ASB18: variants seen among roughly 807,000 people sequenced by gnomAD.
The protein encoded by ASB18 is ankyrin repeat and SOCS box containing 18.
ASB18 carries 33 observed loss-of-function variants against 33.4 expected under a neutral mutation model. The observed-to-expected ratio is 0.99, with a 90% CI of 0.75 to 1.32. The LOEUF (loss-of-function observed/expected upper bound fraction) is 1.32, where lower values mean the gene tolerates loss of function less well. Among genes scored for constraint, ASB18 ranks in the 40% most tolerant of loss-of-function variants. The pLI is 0.00. For missense variants in ASB18, 694 were observed against 655.5 expected, an observed-to-expected ratio of 1.06 and a Z score of -0.64; for synonymous variants, 295 against 307.6, an observed-to-expected ratio of 0.96 and a Z score of 0.43.
At position 236,245,617 on chromosome 2, in the gene ASB18, T is replaced by A. The variant is rs557304590; in HGVS notation, c.206-4215A>T. On this transcript the variant is annotated intron_variant, in intron 1 of 5. Coordinates refer to ENST00000409749, the MANE Select transcript of ASB18 (RefSeq NM_212556.4). The surrounding 1 kb of genome is among the most constrained non-coding windows in gnomAD (Gnocchi z 4.7). ...ATCCTCCAACACAGCTTAGCCTCCC[T>A]TGACCTCCAAGACCAGTCCTGATGT... Among the ~76,000 whole-genome samples the A allele has an allele frequency of 3.9e-5, 6 of 152,184 alleles. No homozygotes were observed. The highest frequency in any genetic ancestry group is 1.4e-4 in the African/African-American group (6 of 41,438).
intron 3 of ASB18, among the ~76,000 whole-genome samples, chr2:236,224,146 T>C (rs13384193): frequency 0.38 from 56,602 of 148,930 alleles, 11,333 homozygotes; most frequent in African/African-American, 0.51. Context: ...ATGAAAGTTC[T>C]AGTTGCTCCC....
chr2:236,214,608 C>T lies in ASB18; in HGVS notation c.855G>A (p.Glu285=), dbSNP rs1576398478. 3 of 1,224,186 alleles carry T rather than the reference C, an allele frequency of 2.5e-6. No homozygotes were observed. The East Asian group carries it at 1.1e-4, about 44-fold the overall frequency. The allele number at this position is 1,224,186 out of a possible 1,614,324, so 75.8% of individuals were successfully genotyped here. A position where few individuals can be genotyped will look rare whatever the true frequency, so the allele number is the denominator to read the frequency against. The change falls in exon 4 of 6, where the codon GAG becomes GAA. Residue 285 remains glutamate (E), a synonymous_variant. Transcript: ENST00000409749. The surrounding 1 kb of genome is among the most constrained non-coding windows in gnomAD (Gnocchi z 6.5). ...GCTCGTCCTCGTCGCGCGCGTCCGC[C>T]TCCGCCCCGCGCCGCAGCAGCAGCG... ...LCALLLRRGA[E]ADARDEDERS...
chr2:236,226,669 T>A lies in ASB18; in HGVS notation c.596+11020A>T, dbSNP rs1425298946. ...GTGTCCAAATGTAAGCTTGTTGGCG[T>A]CTCTTCAGCAGTGTTGCAATGATTC... On this transcript the variant is annotated intron_variant, in intron 3 of 5. Coordinates refer to ENST00000409749, the MANE Select transcript of ASB18 (RefSeq NM_212556.4). The surrounding 1 kb of genome is among the most constrained non-coding windows in gnomAD (Gnocchi z 4.8). 6.6e-6 allele frequency among the ~76,000 whole-genome samples: 1 copy of A among 152,196 alleles called. No homozygotes were observed. The highest frequency in any genetic ancestry group is 2.4e-5 in the African/African-American group (1 of 41,444).
In ASB18 at chr2:236,209,639, A is replaced by C. The variant is rs719544; in HGVS notation, c.1101+4723T>G. On this transcript the variant is annotated intron_variant, in intron 4 of 5. Transcript: ENST00000409749. The surrounding 1 kb of genome is among the most constrained non-coding windows in gnomAD (Gnocchi z 4.4). ...AATCCCTTACCTGGACTGCCACCAC[A>C]GCCTGTGGTTTCCATCAGCCCCCTA... 0.17 allele frequency among the ~76,000 whole-genome samples: 26,223 copies of C among 152,168 alleles called. 2,274 individuals carry two copies. Among genetic ancestry groups the C allele is most frequent in the South Asian group, 0.25 (1,196 of 4,806 alleles).
chr2:236,255,158 C>A lies in ASB18; in HGVS notation c.205+8983G>T, dbSNP rs777333535. On this transcript the variant is annotated intron_variant, in intron 1 of 5. Transcript: ENST00000409749. The surrounding 1 kb of genome is among the most constrained non-coding windows in gnomAD (Gnocchi z 4.4). The stretch of plus-strand genomic sequence containing the variant: ...TTCTTTCTTTTTCTTTTTTTTCTTT[C>A]TTTGAGACGGAGTCTCATTCTGTCG... Among the ~76,000 whole-genome samples the A allele has an allele frequency of 2.0e-5, 3 of 151,744 alleles. No homozygotes were observed. The highest frequency in any genetic ancestry group is 4.4e-5 in the Non-Finnish European group (3 of 67,928).
chr2:236,258,025 C>G (rs1290116588), intron 1 of ASB18, among the ~76,000 whole-genome samples: 1 of 152,228 alleles, frequency 6.6e-6, no homozygotes, highest in Non-Finnish European at 1.5e-5. Flanking sequence ...TGAACATACC[C>G]TGATTTGGGG....
Position 236,253,907 on chromosome 2 carries a change from T to A in ASB18, c.205+10234A>T, listed in dbSNP as rs372340666. ...CCCCTGTGACTGTTCAGCCTCTGGG[T>A]GGGTGCAGGGATGCCGGGAGAGAAT... On this transcript the variant is annotated intron_variant, in intron 1 of 5. Transcript: ENST00000409749. The surrounding 1 kb of genome is among the most constrained non-coding windows in gnomAD (Gnocchi z 5.4). 11 of 152,228 alleles carry A rather than the reference T, an allele frequency of 7.2e-5. No homozygotes were observed. In the East Asian group the frequency reaches 1.9e-3, roughly 27 times the overall value. 9.4% of individuals were successfully genotyped at this position (152,228 alleles called of 1,614,324 possible). A position where few individuals can be genotyped will look rare whatever the true frequency, so the allele number is the denominator to read the frequency against.
At chr2:236,202,529 T>A (rs1576393877) in intron 4 of ASB18, among the ~76,000 whole-genome samples, 1 of 151,970 alleles carries the variant, frequency 6.6e-6, no homozygotes, top group South Asian at 2.1e-4. Context: ...TAAAAAAAAA[T>A]ATCAACCTAG....
At chr2:236,230,279 T>A (rs2060558320) in intron 3 of ASB18, among the ~76,000 whole-genome samples, 1 of 150,696 alleles carries the variant, frequency 6.6e-6, no homozygotes, top group South Asian at 2.1e-4. Flanking sequence ...AATACTCAGG[T>A]GAAATAAAGA....
chr2:236,211,667 T>C lies in ASB18; in HGVS notation c.1101+2695A>G, dbSNP rs1157342052. 9.2e-5 allele frequency among the ~76,000 whole-genome samples: 14 copies of C among 152,212 alleles called. No individual in the cohort carries two copies. The highest frequency in any genetic ancestry group is 3.4e-4 in the African/African-American group (14 of 41,474). ...CTGGCTGCAGCGTCTGTTGCTTTGA[T>C]GTCGCACATGATTAGATGCCGTCCC... On this transcript the variant is annotated intron_variant, in intron 4 of 5. Coordinates refer to ENST00000409749, the MANE Select transcript of ASB18 (RefSeq NM_212556.4). The surrounding 1 kb of genome is among the most constrained non-coding windows in gnomAD (Gnocchi z 5.0).
rs1317195714 is a variant in ASB18, at chr2:236,257,519, TGTGTGCAC to T, written c.205+6614_205+6621del. ...AACCAGGGACTCTATCTACTGAGAT[TGTGTGCAC>T]GTGTGCATGACTGTGTGTGTGCGTG... On this transcript the variant is annotated intron_variant, in intron 1 of 5. Coordinates refer to ENST00000409749, the MANE Select transcript of ASB18 (RefSeq NM_212556.4). The surrounding 1 kb of genome is among the most constrained non-coding windows in gnomAD (Gnocchi z 5.5). Among the ~76,000 whole-genome samples, 2 of 152,340 alleles carry T rather than the reference TGTGTGCAC, an allele frequency of 1.3e-5. No individual in the cohort carries two copies. Among genetic ancestry groups the T allele is most frequent in the East Asian group, 3.9e-4 (2 of 5,190 alleles).
chr2:236,218,433 C>T (rs1018351048), intron 3 of ASB18, among the ~76,000 whole-genome samples: 1 of 152,156 alleles, frequency 6.6e-6, no homozygotes, highest in Non-Finnish European at 1.5e-5. Flanking sequence ...GTGAACAGAT[C>T]AGGTTACAAA....
intron 1 of ASB18, chr2:236,254,271 A>G (rs1015906085): frequency 3.9e-5 from 6 of 152,290 alleles, no homozygotes; most frequent in African/African-American, 1.4e-4. Flanking sequence ...GAAGTGTTAC[A>G]TGAGCATCTC....
chr2:236,197,822 C>CAAA (rs35276424), intron 4 of ASB18, among the ~76,000 whole-genome samples: 27 of 146,688 alleles, frequency 1.8e-4, no homozygotes, highest in South Asian at 6.5e-4. Flanking sequence ...AACTCAGTCT[C>CAAA]AAAAAAAAAA....
rs943512086 is a variant in ASB18 at position 236,239,277 on chromosome 2, C to T, written c.329-1321G>A. Among the ~76,000 whole-genome samples, 38 of 152,148 alleles carry T rather than the reference C, an allele frequency of 2.5e-4. No individual in the cohort carries two copies. The highest frequency in any genetic ancestry group is 8.9e-4 in the African/African-American group (37 of 41,438). On this transcript the variant is annotated intron_variant, in intron 2 of 5. Coordinates refer to ENST00000409749, the MANE Select transcript of ASB18 (RefSeq NM_212556.4). This position sits in a 1 kb window ranked among gnomAD's most constrained non-coding sequence, Gnocchi z 5.6. ...GCCTTCTCTGGGAAATGCTAAATCC[C>T]CAACCCAGCCCCACCCTACCCTAGC...
In ASB18 at chr2:236,252,975, T is replaced by C. The variant is rs2060674711; in HGVS notation, c.205+11166A>G. Among the ~76,000 whole-genome samples, 1 of 152,224 alleles carries C rather than the reference T, an allele frequency of 6.6e-6. No homozygotes were observed. The highest frequency in any genetic ancestry group is 2.4e-5 in the African/African-American group (1 of 41,468). The stretch of plus-strand genomic sequence containing the variant: ...GAGCTGTCCTGCCATTTTGGCCCCA[T>C]GCAGGGAAAACTGTGACAGGTCATC... On this transcript the variant is annotated intron_variant, in intron 1 of 5. Transcript: ENST00000409749. This position sits in a 1 kb window ranked among gnomAD's most constrained non-coding sequence, Gnocchi z 7.9.
rs1352741693 is a variant in ASB18 at position 236,196,697 on chromosome 2, G to A, written c.1102-312C>T. Among the ~76,000 whole-genome samples, 1 of 152,232 alleles carries A rather than the reference G, an allele frequency of 6.6e-6. No individual in the cohort carries two copies. The highest frequency in any genetic ancestry group is 1.5e-5 in the Non-Finnish European group (1 of 68,040). ...GGGGGCTATGCTGGTGGCTTGGCAG[G>A]CCTCCTTGGCCCCCAGAGAGCTGCT... is the stretch of plus-strand genomic sequence containing the variant. On this transcript the variant is annotated intron_variant, in intron 4 of 5. Transcript: ENST00000409749. The surrounding 1 kb of genome is among the most constrained non-coding windows in gnomAD (Gnocchi z 5.6).
At position 236,264,322 on chromosome 2, in the gene ASB18, G is replaced by A. The variant is rs758061404; in HGVS notation, c.24C>T (p.Pro8=). ...CTAAATCTGAGTTGAGTGGGTAGTC[G>A]GGAAGGTAATCCGAGTTGGACATTG... MSNSDYL[P]DYPLNSDLVK... is the part of the protein sequence containing the mutation. Residue 8 remains proline (P), a synonymous_variant, in exon 1 of 6, where the codon CCC becomes CCT. Transcript: ENST00000409749. The surrounding 1 kb of genome is among the most constrained non-coding windows in gnomAD (Gnocchi z 5.1). 1.4e-5 allele frequency: 22 copies of A among 1,613,838 alleles called. No homozygotes were observed. The highest frequency in any genetic ancestry group is 2.2e-5 in the East Asian group (1 of 44,888).
At chr2:236,202,814 T>TATATATATATATATATACACACAC (rs1472095135) in intron 4 of ASB18, among the ~76,000 whole-genome samples, 117 of 126,378 alleles carry the variant, frequency 9.3e-4, no homozygotes, top group Middle Eastern at 8.0e-3. Context: ...TATATATATA[T>TATATATATATATATATACACACAC]ACACACACCT....
Sources: gnomAD v4.1 joint callset for allele counts (sites outside exome capture counted in the v4.1 genomes callset) on GRCh38, gnomAD v4.1.1 for gene constraint, Gnocchi (gnomAD v3.1) non-coding constraint, MANE v1.5 for transcripts, NCBI Gene and HGNC (gene_info 2026-07-23, HGNC 2026-07-21) for gene names.